Variants in LARP1B observed in about 807,000 individuals in gnomAD.
LARP1B encodes la-related protein 1B.
LARP1B carries 76 observed loss-of-function variants against 114.2 expected under a neutral mutation model. That is an observed-to-expected ratio of 0.67 (90% CI 0.55 to 0.81). The LOEUF (loss-of-function observed/expected upper bound fraction) is 0.81. Ranked by LOEUF, LARP1B falls within the 30% of genes least tolerant of loss-of-function variation. The pLI is 0.00. For missense variants in LARP1B, 1,014 were observed against 1,075.8 expected (o/e 0.94, Z 0.80); for synonymous variants, 345 against 348.0 (o/e 0.99, Z 0.10).
chr4:128,093,186 T>C (rs576274609), intron 7 of LARP1B, among the ~76,000 whole-genome samples: 1 of 152,308 alleles, frequency 6.6e-6, no homozygotes, highest in East Asian at 1.9e-4. Context: ...TTACCATTCT[T>C]TGATTAGTGG....
At chr4:128,187,957 A>T (rs1750893798) in intron 15 of LARP1B, among the ~76,000 whole-genome samples, 2 of 152,062 alleles carry the variant, frequency 1.3e-5, no homozygotes, top group Non-Finnish European at 2.9e-5. Flanking sequence ...CCTGCCTTCC[A>T]CCATGATTGT....
intron 11 of LARP1B, among the ~76,000 whole-genome samples, chr4:128,144,227 T>G (rs935032830): frequency 2.0e-5 from 3 of 152,202 alleles, no homozygotes; most frequent in African/African-American, 7.2e-5. Context: ...TTGTATGTAA[T>G]GTGTTGTTTT....
chr4:128,160,816 T>A (rs1295025183), intron 11 of LARP1B, among the ~76,000 whole-genome samples: 1 of 152,178 alleles, frequency 6.6e-6, no homozygotes, highest in Admixed American at 6.5e-5. Flanking sequence ...AAAGGTACTT[T>A]AGTGAAAAAA....
intron 8 of LARP1B, among the ~76,000 whole-genome samples, chr4:128,098,864 G>A (rs1468483988): frequency 7.0e-6 from 1 of 142,392 alleles, no homozygotes; most frequent in East Asian, 2.1e-4. Context: ...CACAACATCT[G>A]CCTCTTGGGT....
chr4:128,090,307 A>G (rs1227665068), intron 5 of LARP1B, among the ~76,000 whole-genome samples: 1 of 152,194 alleles, frequency 6.6e-6, no homozygotes, highest in Non-Finnish European at 1.5e-5. Flanking sequence ...TTCTGACCTC[A>G]GTTGATCCGC....
chr4:128,084,424 AC>A (rs1772423389), intron 5 of LARP1B, among the ~76,000 whole-genome samples: 1 of 152,248 alleles, frequency 6.6e-6, no homozygotes, highest in African/African-American at 2.4e-5. Context: ...GGAGCTGGAG[AC>A]CAGCCCGGCC....
chr4:128,221,407 C>T (rs186446612), intron 7 of LARP1B, among the ~76,000 whole-genome samples: 306 of 152,308 alleles, frequency 2.0e-3, no homozygotes, highest in Admixed American at 2.6e-3. Flanking sequence ...TCTGACTTTA[C>T]ACTCTGTGTC....
At chr4:128,066,477 C>CT (rs376383374) in intron 1 of LARP1B, among the ~76,000 whole-genome samples, 249 of 120,406 alleles carry the variant, frequency 2.1e-3, no homozygotes, top group African/African-American at 3.5e-3. Flanking sequence ...TGCGCCCGGC[C>CT]TTTTTTTTTT....
intron 7 of LARP1B, chr4:128,220,552 T>TA (rs1759937256): frequency 6.4e-6 from 1 of 157,448 alleles, no homozygotes; most frequent in African/African-American, 2.4e-5. Context: ...CACAACTCGT[T>TA]ACGTGGTTAG....
chr4:128,084,994 G>T (rs1772846840), intron 5 of LARP1B, among the ~76,000 whole-genome samples: 1 of 151,974 alleles, frequency 6.6e-6, no homozygotes, highest in Non-Finnish European at 1.5e-5. Context: ...CTCCCAAGTA[G>T]CTGGGACTAC....
At position 128,179,453 on chromosome 4, in the gene LARP1B, G is replaced by A; in HGVS notation, c.1944G>A (p.Glu648=). ...KTRHSTNPPL[E]CHVGWVMDSR... is the part of the protein sequence containing the mutation. The stretch of plus-strand genomic sequence containing the variant: ...GGCATAGCACAAATCCCCCTCTAGA[G>A]TGTCATGTTGGTTGGGTAATGGATT... Residue 648 remains glutamate, a synonymous_variant, in exon 15 of 20, where the codon GAG becomes GAA. Coordinates refer to ENST00000326639, the MANE Select transcript of LARP1B (RefSeq NM_018078.4). 1 of 1,611,242 alleles carries A rather than the reference G, an allele frequency of 6.2e-7. No individual in the cohort carries two copies. The highest frequency in any genetic ancestry group is 2.2e-5 in the East Asian group (1 of 44,676).
At position 128,178,568 on chromosome 4, in the gene LARP1B, C is replaced by T. The variant is rs1561505963; in HGVS notation, c.1822C>T (p.Pro608Ser). ...AAGAACACCCAAAACACCTCGAACA[C>T]CTAGGTTACAAGATCCTAACAAAAC... ...PTRTPKTPRT[P>S]RLQDPNKTPR... Residue 608 changes from proline to serine, a missense_variant, in exon 14 of 20, where the codon CCT becomes TCT. By Grantham distance (74) the Pro-to-Ser change is moderately conservative. Coordinates refer to ENST00000326639, the MANE Select transcript of LARP1B (RefSeq NM_018078.4). The T allele has an allele frequency of 6.2e-7, 1 of 1,614,020 alleles. No individual in the cohort carries two copies. Among genetic ancestry groups the T allele is most frequent in the East Asian group, 2.2e-5 (1 of 44,856 alleles).
chr4:128,175,183 A>G (rs1165052240), intron 12 of LARP1B, among the ~76,000 whole-genome samples: 2 of 152,118 alleles, frequency 1.3e-5, no homozygotes, highest in Non-Finnish European at 2.9e-5. Flanking sequence ...TTATTAATGA[A>G]GTATAAGTAC....
At chr4:128,062,217 CAG>C in intron 1 of LARP1B, 1 of 985,472 alleles carries the variant, frequency 1.0e-6, no homozygotes, top group Non-Finnish European at 1.2e-6. Context: ...ACCCTGGAGG[CAG>C]GTCTGTGGTT....
intron 12 of LARP1B, among the ~76,000 whole-genome samples, chr4:128,167,084 A>C (rs976435978): frequency 3.3e-5 from 5 of 149,826 alleles, no homozygotes; most frequent in Admixed American, 1.3e-4. Flanking sequence ...ACACATCACC[A>C]TTTCTCTGTT....
At chr4:128,199,415 G>T in intron 15 of LARP1B, 24 bp from the exon 16 acceptor site, 1 of 1,458,854 alleles carries the variant, frequency 6.9e-7, no homozygotes, top group Non-Finnish European at 9.1e-7. Flanking sequence ...CATTTTGAAG[G>T]CTTTTTTCCC....
chr4:128,208,220 C>T (rs945557173), intron 19 of LARP1B, among the ~76,000 whole-genome samples: 6 of 151,026 alleles, frequency 4.0e-5, no homozygotes, highest in African/African-American at 1.2e-4. Flanking sequence ...CCCTGCTACT[C>T]AGGAGGCTGA....
intron 1 of LARP1B, chr4:128,062,008 A>T: frequency 1.0e-6 from 1 of 984,648 alleles, no homozygotes; most frequent in Non-Finnish European, 1.2e-6. Context: ...GGGAGCCGCC[A>T]CCGCCACCGC....
intron 9 of LARP1B, among the ~76,000 whole-genome samples, chr4:128,113,948 G>A (rs932311251): frequency 1.3e-5 from 2 of 151,948 alleles, no homozygotes; most frequent in African/African-American, 2.4e-5. Flanking sequence ...CACCACGCCC[G>A]GCTAATTTTG....
Sources: gnomAD v4.1 joint callset for allele counts (sites outside exome capture counted in the v4.1 genomes callset) on GRCh38, gnomAD v4.1.1 for gene constraint, MANE v1.5 for transcripts, NCBI Gene and HGNC (gene_info 2026-07-23, HGNC 2026-07-21) for gene names.